The following PADI6 variants were observed in gnomAD, a reference collection of about 807,000 sequenced individuals.
PADI6 encodes inactive protein-arginine deiminase type-6.
PADI6 carries 66 observed loss-of-function variants against 78.2 expected under a neutral mutation model. The ratio of observed to expected loss-of-function variants is 0.84; its 90% CI spans 0.69 to 1.04. The LOEUF (loss-of-function observed/expected upper bound fraction) is 1.04. PADI6 is among the 50% of genes least tolerant of loss of function. The pLI is 0.00. For missense variants in PADI6, 854 were observed against 866.1 expected (o/e 0.99, Z 0.18); for synonymous variants, 397 against 346.9 (o/e 1.14, Z -1.60).
intron 15 of PADI6, among the ~76,000 whole-genome samples, chr1:17,400,030 C>T (rs891345750): frequency 6.7e-6 from 1 of 149,992 alleles, no homozygotes; most frequent in Non-Finnish European, 1.5e-5. Context: ...AAGACTGTCT[C>T]CCAAAAAAAC....
intron 13 of PADI6, 34 bp from the exon 14 acceptor site, chr1:17,397,037 G>T: frequency 1.2e-6 from 2 of 1,606,620 alleles, no homozygotes; most frequent in South Asian, 2.2e-5. Context: ...GCCATTCCCT[G>T]ACCAGCAGGC....
chr1:17,398,558 G>T, intron 14 of PADI6, 128 bp from the exon 15 acceptor site: 1 of 611,878 alleles, frequency 1.6e-6, no homozygotes, highest in Admixed American at 2.7e-5. Context: ...CTGGCACACA[G>T]CAAGTGATGG....
chr1:17,379,217 C>T (rs568789748), intron 3 of PADI6, among the ~76,000 whole-genome samples: 12 of 147,280 alleles, frequency 8.1e-5, no homozygotes, highest in Admixed American at 4.0e-4. Context: ...GGGTTCACGC[C>T]ATTCTCCTGC....
chr1:17,373,110 G>C lies in PADI6; in HGVS notation c.171G>C (p.Leu57Phe). Residue 57 changes from leucine (L) to phenylalanine (F), a missense_variant, in exon 2 of 16, where the codon TTG (leucine) becomes TTC (phenylalanine). Leu to Phe is a conservative substitution (Grantham distance 22). Coordinates refer to ENST00000619609, the MANE Select transcript of PADI6 (RefSeq NM_207421.4). The part of the protein sequence containing the change: ...CFTIHGSGRV[L>F]IDVANTVISE... Reference sequence around the variant, plus strand: ...CCATCCATGGCTCTGGGAGGGTCTTGATCGATGTGGCCAACACGGTGATTT... The same window carrying C: ...CCATCCATGGCTCTGGGAGGGTCTTCATCGATGTGGCCAACACGGTGATTT... The C allele has an allele frequency of 6.2e-7, 1 of 1,614,002 alleles. No individual in the cohort carries two copies. The highest frequency in any genetic ancestry group is 8.5e-7 in the Non-Finnish European group (1 of 1,179,870).
In PADI6 at chr1:17,383,861, A is replaced by G. The variant is rs1003343964; in HGVS notation, c.679+1769A>G. Among the ~76,000 whole-genome samples the G allele has an allele frequency of 3.8e-4, 57 of 148,774 alleles. 1 individual carries two copies. The highest frequency in any genetic ancestry group is 1.1e-3 in the African/African-American group (43 of 40,204). The stretch of plus-strand genomic sequence containing the variant: ...TTTTTTTAAAAAAACTTATTCAACA[A>G]TCTAGGGGCTGAGCACGGGGCTTAT... On this transcript the variant is annotated intron_variant, in intron 6 of 15. Transcript: ENST00000619609.
chr1:17,377,750 C>T (rs183310789), intron 3 of PADI6, among the ~76,000 whole-genome samples: 1 of 152,304 alleles, frequency 6.6e-6, no homozygotes, highest in Admixed American at 6.5e-5. Flanking sequence ...CCGGCTCGAG[C>T]CCCCATCCTC....
rs572233548 is a variant in PADI6 at position 17,376,949 on chromosome 1, C to T, written c.367+1450C>T. On this transcript the variant is annotated intron_variant, in intron 3 of 15. Transcript: ENST00000619609. ...TAAGCTGAACTGGAGTGAAGAGACA[C>T]GATCATGGCTCATTGCAGCCTCAAA... Among the ~76,000 whole-genome samples, 19 of 152,162 alleles carry T rather than the reference C, an allele frequency of 1.2e-4. No homozygotes were observed. The East Asian group carries it at 3.3e-3, about 26-fold the overall frequency.
chr1:17,375,685 G>A (rs569494207), intron 3 of PADI6, among the ~76,000 whole-genome samples, 186 bp downstream of exon 3: 4 of 152,244 alleles, frequency 2.6e-5, no homozygotes, highest in Admixed American at 6.5e-5. Flanking sequence ...CTCCCTCCTC[G>A]ACGCTCAGTC....
In PADI6 at chr1:17,391,714, G is replaced by A. The variant is rs2075186013; in HGVS notation, c.963-400G>A. On this transcript the variant is annotated intron_variant, in intron 8 of 15. Transcript: ENST00000619609. ...CGTATAGTCCCAGCTACTGTGGGGG[G>A]CCGAGGCAGGAGACTCACTTGAACC... Among the ~76,000 whole-genome samples, 3 of 152,230 alleles carry A rather than the reference G, an allele frequency of 2.0e-5. No homozygotes were observed. The South Asian group carries it at 6.2e-4, about 32-fold the overall frequency.
intron 4 of PADI6, among the ~76,000 whole-genome samples, chr1:17,380,799 A>T (rs1166122788): frequency 6.6e-6 from 1 of 152,070 alleles, no homozygotes; most frequent in Non-Finnish European, 1.5e-5. Context: ...TCGGTCCCTG[A>T]TTCTCTGACT....
Position 17,401,326 on chromosome 1 carries a change from G to GCAC in PADI6, c.1975_1977dup (p.Thr659dup). On this transcript the variant is annotated inframe_insertion, in exon 16 of 16. Coordinates refer to ENST00000619609, the MANE Select transcript of PADI6 (RefSeq NM_207421.4). ...TTGCTGGAGCCCCTGGGCTTCAAGT[G>GCAC]CACCTTCATCAATGACTTTGACTGT... 2 of 1,614,088 alleles carry GCAC rather than the reference G, an allele frequency of 1.2e-6. No homozygotes were observed. The highest frequency in any genetic ancestry group is 1.7e-6 in the Non-Finnish European group (2 of 1,179,912).
At position 17,379,194 on chromosome 1, in the gene PADI6, G is replaced by C. The variant is rs189650997; in HGVS notation, c.368-726G>C. Among the ~76,000 whole-genome samples the C allele has an allele frequency of 1.6e-3, 219 of 141,138 alleles. No homozygotes were observed. In the East Asian group the frequency reaches 0.036, roughly 23 times the overall value. 92.6% of individuals were successfully genotyped at this position (141,138 alleles called of 152,430 possible). On this transcript the variant is annotated intron_variant, in intron 3 of 15. Coordinates refer to ENST00000619609, the MANE Select transcript of PADI6 (RefSeq NM_207421.4). ...GTGGCGCAATCTCGGCTCACTGCAG[G>C]CTCCGCCCCCTGGGGTTCACGCCAT...
chr1:17,396,156 C>A (rs527545437), intron 13 of PADI6, among the ~76,000 whole-genome samples: 9 of 152,114 alleles, frequency 5.9e-5, no homozygotes, highest in African/African-American at 1.7e-4. Context: ...GAGGCTGAGG[C>A]GGGCAGATCA....
Position 17,394,339 on chromosome 1 carries a change from C to T in PADI6, c.1222C>T (p.His408Tyr). The T allele has an allele frequency of 6.2e-7, 1 of 1,613,898 alleles. No homozygotes were observed. The highest frequency in any genetic ancestry group is 8.5e-7 in the Non-Finnish European group (1 of 1,179,864). The change falls in exon 11 of 16, where the codon CAT becomes TAT. Residue 408 changes from histidine (H) to tyrosine (Y), a missense_variant. His to Tyr is a moderately conservative substitution (Grantham distance 83, BLOSUM62 2). Coordinates refer to ENST00000619609, the MANE Select transcript of PADI6 (RefSeq NM_207421.4). ...CTACATGATCCAGGACACTGAGGAC[C>T]ATAAAGTGGCCAGCATGGATTCCAT... is the stretch of plus-strand genomic sequence containing the variant. ...IGYMIQDTED[H>Y]KVASMDSIGN...
At chr1:17,392,278 A>G in intron 9 of PADI6, 53 bp downstream of exon 9, 1 of 1,321,848 alleles carries the variant, frequency 7.6e-7, no homozygotes, top group Non-Finnish European at 1.1e-6. Context: ...GAGACTCAGC[A>G]TGTGCCACCT....
intron 3 of PADI6, among the ~76,000 whole-genome samples, chr1:17,376,125 C>G (rs1328763556): frequency 1.3e-5 from 2 of 152,012 alleles, no homozygotes; most frequent in Non-Finnish European, 2.9e-5. Flanking sequence ...TAGGTGTGTG[C>G]CACCATGCCT....
In PADI6 at chr1:17,382,552, C is replaced by T. The variant is rs570427567; in HGVS notation, c.679+460C>T. ...GCCACGGTAGCACCTGCATCCCAGCCACCACGCCATCCACCACCCATCTTC... is the reference window on the plus strand; with the variant it reads ...GCCACGGTAGCACCTGCATCCCAGCTACCACGCCATCCACCACCCATCTTC... On this transcript the variant is annotated intron_variant, in intron 6 of 15. Transcript: ENST00000619609. 9.8e-5 allele frequency among the ~76,000 whole-genome samples: 15 copies of T among 152,288 alleles called. No homozygotes were observed. In the East Asian group the frequency reaches 2.9e-3, roughly 29 times the overall value.
chr1:17,372,268 C>T lies in PADI6; in HGVS notation c.23C>T (p.Ala8Val), dbSNP rs1403238977. Residue 8 changes from alanine (A) to valine (V), a missense_variant, in exon 1 of 16, where the codon GCC becomes GTC. By Grantham distance (64) the Ala-to-Val change is moderately conservative. Coordinates refer to ENST00000619609, the MANE Select transcript of PADI6 (RefSeq NM_207421.4). Reference protein sequence around the residue: MVSVEGRAMSFQSIIHLS... With the variant: MVSVEGRVMSFQSIIHLS... ...AGGATGGTCAGCGTGGAGGGCCGAG[C>T]CATGTCCTTCCAGAGTATCATCCAC... 15 of 1,613,840 alleles carry T rather than the reference C, an allele frequency of 9.3e-6. No individual in the cohort carries two copies. Among genetic ancestry groups the T allele is most frequent in the Non-Finnish European group, 1.3e-5 (15 of 1,179,868 alleles).
At chr1:17,384,510 C>T (rs2075102421) in intron 6 of PADI6, among the ~76,000 whole-genome samples, 1 of 152,032 alleles carries the variant, frequency 6.6e-6, no homozygotes, top group Non-Finnish European at 1.5e-5. Flanking sequence ...TAGACCAAGA[C>T]TGGTGGATCA....
Sources: allele counts gnomAD v4.1 joint callset (sites outside exome capture counted in the v4.1 genomes callset), GRCh38; gene constraint gnomAD v4.1.1; transcripts MANE v1.5; gene names NCBI Gene and HGNC (gene_info 2026-07-23, HGNC 2026-07-21).